SALL2: variants seen among roughly 807,000 people sequenced by gnomAD.
SALL2 encodes spalt like transcription factor 2.
In SALL2, 32 loss-of-function variants were observed where a neutral mutation model predicts 58.5. The observed-to-expected ratio is 0.55, with a 90% CI of 0.41 to 0.74. The LOEUF is 0.74. SALL2 is among the 30% of genes least tolerant of loss of function. The probability of loss-of-function intolerance (pLI) is 0.00; values close to 1 mark genes in which losing one functional copy is unlikely to be tolerated. For missense variants in SALL2, 1,201 were observed against 1,268.9 expected, an observed-to-expected ratio of 0.95 and a Z score of 0.81; for synonymous variants, 516 against 513.6, an observed-to-expected ratio of 1.00 and a Z score of -0.06.
chr14:21,521,389 A>G lies in SALL2; in HGVS notation c.*1315T>C, dbSNP rs1442415551. 1 of 152,354 alleles carries G rather than the reference A, an allele frequency of 6.6e-6. No homozygotes were observed. Among genetic ancestry groups the G allele is most frequent in the Non-Finnish European group, 1.5e-5 (1 of 68,178 alleles). The allele number at this position is 152,354 out of a possible 1,614,324, so 9.4% of individuals were successfully genotyped here. ...CAAAGACACAAGCCCCAGCCTACGG[A>G]TAGGCAAAATGGGTAGGGGTCTTGA... is the stretch of plus-strand genomic sequence containing the variant. On this transcript the variant is annotated 3_prime_UTR_variant, in exon 2 of 2. Coordinates refer to ENST00000537235, the MANE Select transcript of SALL2 (RefSeq NM_001364564.1).
rs78330671 is a variant in SALL2 at position 21,521,601 on chromosome 14, C to G, written c.*1103G>C. 994 of 177,620 alleles carry G rather than the reference C, an allele frequency of 5.6e-3. 11 individuals carry two copies. Among genetic ancestry groups the G allele is most frequent in the African/African-American group, 0.022 (920 of 42,402 alleles). The allele number at this position is 177,620 out of a possible 1,614,324, so 11.0% of individuals were successfully genotyped here. A position where few individuals can be genotyped will look rare whatever the true frequency, so the allele number is the denominator to read the frequency against. On this transcript the variant is annotated 3_prime_UTR_variant, in exon 2 of 2. Coordinates refer to ENST00000537235, the MANE Select transcript of SALL2 (RefSeq NM_001364564.1). ...TTCACAAGAATTTGAGGCCTTTTCC[C>G]TTACATCATGTCCCTTTCTTAGTCA...
chr14:21,523,214 T>TGGC lies in SALL2; in HGVS notation c.2505_2507dup (p.Pro841dup). 1 of 1,614,074 alleles carries TGGC rather than the reference T, an allele frequency of 6.2e-7. No homozygotes were observed. Among genetic ancestry groups the TGGC allele is most frequent in the Non-Finnish European group, 8.5e-7 (1 of 1,180,034 alleles). On this transcript the variant is annotated inframe_insertion, in exon 2 of 2. Coordinates refer to ENST00000537235, the MANE Select transcript of SALL2 (RefSeq NM_001364564.1). This position sits in a 1 kb window ranked among gnomAD's most constrained non-coding sequence, Gnocchi z 4.4. ...CCAGGCTGTCAGGTGGTGGTGGTGG[T>TGGC]GGCAAAGAAGACTGTTGAGTAGTTT... is the stretch of plus-strand genomic sequence containing the variant.
Position 21,523,703 on chromosome 14 carries a change from A to G in SALL2, c.2019T>C (p.Arg673=), listed in dbSNP as rs754644778. Residue 673 remains arginine (R), a synonymous_variant, in exon 2 of 2, where the codon CGT becomes CGC. Transcript: ENST00000537235. The surrounding 1 kb of genome is among the most constrained non-coding windows in gnomAD (Gnocchi z 4.4). ...TGGCCTTGTGGCCCACGAAATGTGCACGCAGATTACCCCTGGTGGAGAAGG... is the reference window on the plus strand; with the variant it reads ...TGGCCTTGTGGCCCACGAAATGTGCGCGCAGATTACCCCTGGTGGAGAAGG... ...GRAFSTRGNL[R]AHFVGHKASP... is the part of the protein sequence containing the mutation. The G allele has an allele frequency of 6.2e-7, 1 of 1,614,184 alleles. No individual in the cohort carries two copies. The highest frequency in any genetic ancestry group is 8.5e-7 in the Non-Finnish European group (1 of 1,180,030).
chr14:21,521,982 G>C lies in SALL2; in HGVS notation c.*722C>G, dbSNP rs138405607. 1.4e-4 allele frequency: 217 copies of C among 1,537,532 alleles called. 1 individual carries two copies. The African/African-American group carries it at 2.2e-3, about 15-fold the overall frequency. ...CAGTACCGGCACCTTCTGGAGCAGG[G>C]GGAGGAAGAAGGAATGTACAGTTTG... On this transcript the variant is annotated 3_prime_UTR_variant, in exon 2 of 2. Coordinates refer to ENST00000537235, the MANE Select transcript of SALL2 (RefSeq NM_001364564.1).
chr14:21,522,885 C>T lies in SALL2; in HGVS notation c.2837G>A (p.Gly946Asp). 1 of 1,611,568 alleles carries T rather than the reference C, an allele frequency of 6.2e-7. No homozygotes were observed. Among genetic ancestry groups the T allele is most frequent in the Non-Finnish European group, 8.5e-7 (1 of 1,178,678 alleles). The change falls in exon 2 of 2, where the codon GGC (glycine) becomes GAC (aspartate). Residue 946 changes from glycine (G) to aspartate (D), a missense_variant. Physicochemically the swap from Gly to Asp is moderately conservative, Grantham distance 94. This residue lies in a region of SALL2 where 675 missense variants were observed against 683.8 expected (regional missense o/e 0.99). Coordinates refer to ENST00000537235, the MANE Select transcript of SALL2 (RefSeq NM_001364564.1). ...PLFTCVFCRQ[G>D]FLERATLKKH... ...CTTGAGGGTAGCCCGCTCAAGAAAG[C>T]CCTGCCTGCAGAAAACACAAGTGAA... is the stretch of plus-strand genomic sequence containing the variant.
In SALL2 at chr14:21,522,305, C is replaced by A; in HGVS notation, c.*399G>T. ...CAGAAAGGTCACCCCAGAGGAGTGG[C>A]ACTGGGCCCTCCAGAGACAGCTGCC... On this transcript the variant is annotated 3_prime_UTR_variant, in exon 2 of 2. Transcript: ENST00000537235. The A allele has an allele frequency of 6.6e-7, 1 of 1,506,234 alleles. No individual in the cohort carries two copies. The highest frequency in any genetic ancestry group is 1.2e-5 in the South Asian group (1 of 80,504). 93.3% of individuals were successfully genotyped at this position (1,506,234 alleles called of 1,614,324 possible).
intron 1 of SALL2, among the ~76,000 whole-genome samples, chr14:21,535,217 C>A (rs547024965): frequency 8.6e-5 from 13 of 151,772 alleles, no homozygotes; most frequent in Non-Finnish European, 1.8e-4. Context: ...TGGTGGCAGG[C>A]GCCTATAGTT....
intron 1 of SALL2, among the ~76,000 whole-genome samples, chr14:21,536,392 T>C (rs1156723024): frequency 3.3e-5 from 5 of 152,112 alleles, no homozygotes; most frequent in African/African-American, 7.2e-5. Flanking sequence ...AGCCCAACAA[T>C]GAGAAACTTT....
chr14:21,522,561 G>A lies in SALL2; in HGVS notation c.*143C>T, dbSNP rs188806798. On this transcript the variant is annotated 3_prime_UTR_variant, in exon 2 of 2. Coordinates refer to ENST00000537235, the MANE Select transcript of SALL2 (RefSeq NM_001364564.1). ...TAAGCACAGTAATTTCCAAGCTCAGGGACTACAGAAAAGCCACTAGGGACA... is the reference window on the plus strand; with the variant it reads ...TAAGCACAGTAATTTCCAAGCTCAGAGACTACAGAAAAGCCACTAGGGACA... 7.2e-6 allele frequency: 10 copies of A among 1,398,420 alleles called. No individual in the cohort carries two copies. The Admixed American group carries it at 3.2e-4, about 45-fold the overall frequency. 86.6% of individuals were successfully genotyped at this position (1,398,420 alleles called of 1,614,324 possible). A position where few individuals can be genotyped will look rare whatever the true frequency, so the allele number is the denominator to read the frequency against.
rs1892197333 is a variant in SALL2, at chr14:21,524,558, G to A, written c.1164C>T (p.Ile388=). 6.2e-7 allele frequency: 1 copy of A among 1,614,262 alleles called. No homozygotes were observed. Among genetic ancestry groups the A allele is most frequent in the East Asian group, 2.2e-5 (1 of 44,886 alleles). The change falls in exon 2 of 2, where the codon ATC becomes ATT. Residue 388 remains isoleucine, a synonymous_variant. Transcript: ENST00000537235. ...KVFGSDSALQ[I]HLRSHTGERP... is the part of the protein sequence containing the mutation. Reference sequence around the variant, plus strand: ...TCTCACCCGTGTGGGAACGAAGGTGGATCTGCAGGGCACTGTCACTGCCAA... The same window carrying A: ...TCTCACCCGTGTGGGAACGAAGGTGAATCTGCAGGGCACTGTCACTGCCAA...
upstream of SALL2, among the ~76,000 whole-genome samples, chr14:21,526,990 G>C (rs1055839738): frequency 1.3e-5 from 2 of 152,036 alleles, no homozygotes; most frequent in Non-Finnish European, 2.9e-5. Context: ...AATAATAGCT[G>C]AATGCAGGTT....
In SALL2 at chr14:21,521,669, C is replaced by T; in HGVS notation, c.*1035G>A. On this transcript the variant is annotated 3_prime_UTR_variant, in exon 2 of 2. Coordinates refer to ENST00000537235, the MANE Select transcript of SALL2 (RefSeq NM_001364564.1). Reference sequence around the variant, plus strand: ...CCTATGTTCTAGCAACATTCCTTAACTCTCTCATCATTAGTTCATCAACCA... The same window carrying T: ...CCTATGTTCTAGCAACATTCCTTAATTCTCTCATCATTAGTTCATCAACCA... The T allele has an allele frequency of 4.1e-6, 1 of 246,696 alleles. No homozygotes were observed. The highest frequency in any genetic ancestry group is 7.9e-6 in the Non-Finnish European group (1 of 126,116). 15.3% of individuals were successfully genotyped at this position (246,696 alleles called of 1,614,324 possible).
chr14:21,530,383 G>A (rs1272557157), upstream of SALL2, among the ~76,000 whole-genome samples: 1 of 144,476 alleles, frequency 6.9e-6, no homozygotes, highest in Non-Finnish European at 1.5e-5. Context: ...CACCTCCCAG[G>A]TTCAAGCGAT....
At chr14:21,535,276 T>G (rs961349508) in intron 1 of SALL2, among the ~76,000 whole-genome samples, 1 of 142,386 alleles carries the variant, frequency 7.0e-6, no homozygotes, top group African/African-American at 2.6e-5. Context: ...ACCTGGGAGG[T>G]GGAGCGGGCA....
At chr14:21,528,367 G>A (rs1892379786), upstream of SALL2, among the ~76,000 whole-genome samples, 1 of 152,110 alleles carries the variant, frequency 6.6e-6, no homozygotes, top group Admixed American at 6.5e-5. Flanking sequence ...TTCAAAGGTA[G>A]GAAGTCTTTT....
rs534608363 is a variant in SALL2, at chr14:21,535,125, T to C, written c.-114+1837A>G. Among the ~76,000 whole-genome samples the C allele has an allele frequency of 4.9e-4, 75 of 152,034 alleles. 1 individual carries two copies. The highest frequency in any genetic ancestry group is 1.5e-3 in the South Asian group (7 of 4,824). ...CTTTGGGAGGCCAAGGCGGGCAGAT[T>C]ACGAGATCAGGAGATCCAGAGCATC... On this transcript the variant is annotated intron_variant, in intron 1 of 1. Transcript: ENST00000541965.
chr14:21,521,995 A>C lies in SALL2; in HGVS notation c.*709T>G. On this transcript the variant is annotated 3_prime_UTR_variant, in exon 2 of 2. Transcript: ENST00000537235. ...TTCTGGAGCAGGGGGAGGAAGAAGG[A>C]ATGTACAGTTTGCTACTTCTTGTCT... 1 of 1,563,338 alleles carries C rather than the reference A, an allele frequency of 6.4e-7. No individual in the cohort carries two copies. The highest frequency in any genetic ancestry group is 8.6e-7 in the Non-Finnish European group (1 of 1,160,420).
At position 21,524,696 on chromosome 14, in the gene SALL2, G is replaced by T; in HGVS notation, c.1026C>A (p.Ser342=). ...CATTCTTTGGCTTCAGGAGCCCTGG[G>T]GAGGCAGTGGCCTCAAGGCCTCGGG... The part of the protein sequence containing the change: ...GAARGLEATA[S]PGLLKPKNGS... Residue 342 remains serine (S), a synonymous_variant, in exon 2 of 2, where the codon TCC becomes TCA. Transcript: ENST00000537235. 1 of 1,614,000 alleles carries T rather than the reference G, an allele frequency of 6.2e-7. No homozygotes were observed.
chr14:21,527,850 T>G (rs1245103465), upstream of SALL2, among the ~76,000 whole-genome samples: 2 of 150,520 alleles, frequency 1.3e-5, no homozygotes, highest in African/African-American at 4.9e-5. Flanking sequence ...GAGGCCCCAT[T>G]ACTTTAAAAA....
Sources: gnomAD v4.1 joint callset for allele counts (sites outside exome capture counted in the v4.1 genomes callset) on GRCh38, gnomAD v4.1.1 for gene constraint, gnomAD v4.1.1 regional missense constraint, Gnocchi (gnomAD v3.1) non-coding constraint, MANE v1.5 for transcripts, NCBI Gene and HGNC (gene_info 2026-07-23, HGNC 2026-07-21) for gene names.